The following PTPRK variants were observed in gnomAD, a reference collection of about 807,000 sequenced individuals.
The protein encoded by PTPRK is protein tyrosine phosphatase receptor type K.
A neutral mutation model predicts 178.0 loss-of-function variants in PTPRK; 75 were observed. That is an observed-to-expected ratio of 0.42 (90% CI 0.35 to 0.51). The LOEUF (loss-of-function observed/expected upper bound fraction) is 0.51, where lower values mean the gene tolerates loss of function less well. PTPRK is among the 20% of genes least tolerant of loss of function. The pLI, the probability that PTPRK is intolerant of heterozygous loss-of-function variation, is 0.02. For missense variants in PTPRK, 1,441 were observed against 1,797.8 expected, an observed-to-expected ratio of 0.80 and a Z score of 3.59; for synonymous variants, 637 against 620.6, an observed-to-expected ratio of 1.03 and a Z score of -0.39.
At chr6:128,493,627 C>G (rs1163832979) in intron 1 of PTPRK, among the ~76,000 whole-genome samples, 1 of 138,602 alleles carries the variant, frequency 7.2e-6, no homozygotes, top group African/African-American at 2.8e-5. Flanking sequence ...CACACACACA[C>G]ACACACACAC....
At chr6:128,328,484 AAAC>A (rs1483178351) in intron 2 of PTPRK, among the ~76,000 whole-genome samples, 2 of 152,242 alleles carry the variant, frequency 1.3e-5, no homozygotes, top group Non-Finnish European at 2.9e-5. Flanking sequence ...GAAAATGTCA[AAAC>A]AACAACAAAA....
intron 29 of PTPRK, among the ~76,000 whole-genome samples, chr6:127,972,428 T>C (rs1304116186): frequency 6.6e-6 from 1 of 152,042 alleles, no homozygotes; most frequent in African/African-American, 2.4e-5. Flanking sequence ...TTCACCTAGA[T>C]GAACTGTCAC....
intron 2 of PTPRK, among the ~76,000 whole-genome samples, chr6:128,377,169 A>T (rs1428778574): frequency 4.6e-5 from 7 of 152,098 alleles, no homozygotes; most frequent in African/African-American, 1.7e-4. Flanking sequence ...GTCCATTTTC[A>T]CACTGCTGAT....
At chr6:128,470,085 T>C (rs1372480520) in intron 1 of PTPRK, among the ~76,000 whole-genome samples, 2 of 152,126 alleles carry the variant, frequency 1.3e-5, no homozygotes, top group African/African-American at 4.8e-5. Flanking sequence ...GTATAATACA[T>C]ACTTCAACAA....
chr6:128,219,184 T>A, intron 5 of PTPRK, 88 bp from the exon 6 acceptor site: 1 of 1,246,746 alleles, frequency 8.0e-7, no homozygotes, highest in Non-Finnish European at 1.1e-6. Flanking sequence ...CTGTGATAAA[T>A]TATTCTTGTT....
At chr6:128,140,988 T>C (rs545120372) in intron 7 of PTPRK, among the ~76,000 whole-genome samples, 2 of 152,044 alleles carry the variant, frequency 1.3e-5, no homozygotes, top group East Asian at 3.9e-4. Flanking sequence ...TATCTCTGTA[T>C]CCCTCTTTTC....
chr6:128,427,040 T>C (rs1844226988), intron 1 of PTPRK, among the ~76,000 whole-genome samples: 1 of 152,188 alleles, frequency 6.6e-6, no homozygotes, highest in South Asian at 2.1e-4. Flanking sequence ...CTTCCTTTAA[T>C]GTAGTTCCCC....
chr6:128,110,142 T>A (rs1471661446), intron 7 of PTPRK, among the ~76,000 whole-genome samples: 1 of 152,154 alleles, frequency 6.6e-6, no homozygotes, highest in Non-Finnish European at 1.5e-5. Context: ...CAGACTGGTC[T>A]TAAACTTCTG....
chr6:128,124,678 T>C (rs1037346699), intron 7 of PTPRK, among the ~76,000 whole-genome samples: 2 of 152,128 alleles, frequency 1.3e-5, no homozygotes, highest in African/African-American at 2.4e-5. Context: ...ACTTAAAAGT[T>C]GTTTGTGGAT....
chr6:128,317,287 A>T (rs1646674216), intron 3 of PTPRK, among the ~76,000 whole-genome samples: 1 of 152,232 alleles, frequency 6.6e-6, no homozygotes, highest in East Asian at 1.9e-4. Flanking sequence ...AAATATTAAT[A>T]CAAGTAAAAG....
Position 128,072,350 on chromosome 6 carries a change from T to C in PTPRK, c.1884-4558A>G, listed in dbSNP as rs540022972. On this transcript the variant is annotated intron_variant, in intron 11 of 29. Coordinates refer to ENST00000368226, the MANE Select transcript of PTPRK (RefSeq NM_002844.4). ...CATTACAAGTTGAAAATATTGTAAA[T>C]TGAAATGAATATAATACATCTAACC... Among the ~76,000 whole-genome samples, 20 of 152,150 alleles carry C rather than the reference T, an allele frequency of 1.3e-4. No homozygotes were observed. The South Asian group carries it at 3.9e-3, about 30-fold the overall frequency.
chr6:128,208,305 A>AT (rs1807346864), intron 6 of PTPRK, among the ~76,000 whole-genome samples: 1 of 151,954 alleles, frequency 6.6e-6, no homozygotes, highest in South Asian at 2.1e-4. Context: ...CCTCAAAAAA[A>AT]AAAAAAAAAA....
chr6:128,220,203 G>T (rs938361763), intron 5 of PTPRK, among the ~76,000 whole-genome samples: 19 of 152,102 alleles, frequency 1.2e-4, no homozygotes, highest in African/African-American at 4.3e-4. Flanking sequence ...TAAGTCATTT[G>T]TCAAGGAAAT....
chr6:128,435,774 T>C (rs1845512390), intron 1 of PTPRK, among the ~76,000 whole-genome samples: 2 of 152,122 alleles, frequency 1.3e-5, no homozygotes, highest in Non-Finnish European at 2.9e-5. Context: ...TGGGTGAAGC[T>C]AGACAAAAAA....
At chr6:128,117,001 C>T (rs780596981) in intron 7 of PTPRK, among the ~76,000 whole-genome samples, 29 of 151,990 alleles carry the variant, frequency 1.9e-4, no homozygotes, top group Non-Finnish European at 4.1e-4. Context: ...AAAAAATTAG[C>T]AGGGCATGGT....
chr6:128,152,043 T>C (rs966951948), intron 7 of PTPRK, among the ~76,000 whole-genome samples: 7 of 151,788 alleles, frequency 4.6e-5, no homozygotes, highest in Admixed American at 3.9e-4. Context: ...TAAGGAGACC[T>C]AGGAAGGGGC....
intron 1 of PTPRK, among the ~76,000 whole-genome samples, chr6:128,514,001 A>G (rs1857556116): frequency 6.6e-6 from 1 of 152,166 alleles, no homozygotes; most frequent in Non-Finnish European, 1.5e-5. Context: ...GGTCACCTCC[A>G]CTATCCAACA....
At chr6:128,105,130 C>CTTTTTTTTTTTT (rs1382748903) in intron 7 of PTPRK, among the ~76,000 whole-genome samples, 4 of 140,760 alleles carry the variant, frequency 2.8e-5, no homozygotes, top group African/African-American at 5.2e-5. Flanking sequence ...TCACTTATTT[C>CTTTTTTTTTTTT]TTTTTTTTTT....
chr6:128,181,489 T>C (rs1273454130), intron 7 of PTPRK, among the ~76,000 whole-genome samples: 1 of 152,052 alleles, frequency 6.6e-6, no homozygotes, highest in Non-Finnish European at 1.5e-5. Flanking sequence ...AAAAGAATGG[T>C]TTATAAATCT....
Sources: allele counts gnomAD v4.1 joint callset (sites outside exome capture counted in the v4.1 genomes callset), GRCh38; gene constraint gnomAD v4.1.1; transcripts MANE v1.5; gene names NCBI Gene and HGNC (gene_info 2026-07-23, HGNC 2026-07-21).